The following NAALADL2 variants were observed in gnomAD, a reference collection of about 807,000 sequenced individuals.
NAALADL2 encodes the protein inactive N-acetylated-alpha-linked acidic dipeptidase-like protein 2.
A neutral mutation model predicts 87.2 loss-of-function variants in NAALADL2; 76 were observed. The ratio of observed to expected loss-of-function variants is 0.87; its 90% CI spans 0.72 to 1.05. The LOEUF (loss-of-function observed/expected upper bound fraction) is 1.05, where lower values mean the gene tolerates loss of function less well. NAALADL2 is among the 50% of genes least tolerant of loss of function. The pLI, the probability that NAALADL2 is intolerant of heterozygous loss-of-function variation, is 0.00. For synonymous variants in NAALADL2, 354 were observed against 331.0 expected (o/e 1.07, Z -0.75); for missense variants, 1,089 against 945.8 (o/e 1.15, Z -1.99).
chr3:174,831,500 T>C (rs1184886191), intron 3 of NAALADL2, among the ~76,000 whole-genome samples: 1 of 144,086 alleles, frequency 6.9e-6, no homozygotes, highest in African/African-American at 2.6e-5. Context: ...TGCTGCTGGA[T>C]TCGTTTTGCC....
chr3:175,803,752 G>A lies in NAALADL2; in HGVS notation c.*549G>A, dbSNP rs1754459222. 1 of 152,424 alleles carries A rather than the reference G, an allele frequency of 6.6e-6. No homozygotes were observed. Among genetic ancestry groups the A allele is most frequent in the Admixed American group, 6.6e-5 (1 of 15,190 alleles). 9.4% of individuals were successfully genotyped at this position (152,424 alleles called of 1,614,324 possible). A position where few individuals can be genotyped will look rare whatever the true frequency, so the allele number is the denominator to read the frequency against. On this transcript the variant is annotated 3_prime_UTR_variant, in exon 14 of 14. Transcript: ENST00000454872. ...GTTTCTCTTCTTAACACAACTAGAT[G>A]TAGTAATACACTGGTTATGAAATTG... is the stretch of plus-strand genomic sequence containing the variant.
intron 1 of NAALADL2, among the ~76,000 whole-genome samples, chr3:175,057,471 C>T (rs1300512165): frequency 6.6e-6 from 1 of 152,176 alleles, no homozygotes; most frequent in Non-Finnish European, 1.5e-5. Flanking sequence ...TAGAAAGTTA[C>T]AGTGATGTAG....
intron 9 of NAALADL2, among the ~76,000 whole-genome samples, chr3:175,539,020 C>T (rs1711804441): frequency 6.6e-6 from 1 of 152,172 alleles, no homozygotes; most frequent in South Asian, 2.1e-4. Context: ...AAATAATTGT[C>T]TTCACTCTTA....
At chr3:174,640,306 A>G (rs186140264) in intron 2 of NAALADL2, among the ~76,000 whole-genome samples, 247 of 152,286 alleles carry the variant, frequency 1.6e-3, no homozygotes, top group Non-Finnish European at 2.0e-3. Flanking sequence ...GCTGTGCCTC[A>G]AAGGAGAGGT....
At chr3:175,116,245 A>G (rs1169832937) in intron 2 of NAALADL2, among the ~76,000 whole-genome samples, 2 of 151,952 alleles carry the variant, frequency 1.3e-5, no homozygotes, top group Non-Finnish European at 2.9e-5. Context: ...CAATGAGGCA[A>G]GAGAAAGAAA....
chr3:175,620,422 C>G (rs1295997868), intron 10 of NAALADL2, among the ~76,000 whole-genome samples: 1 of 152,204 alleles, frequency 6.6e-6, no homozygotes, highest in Non-Finnish European at 1.5e-5. Context: ...AAAAGAGATG[C>G]CAGCAATCAC....
chr3:174,814,768 C>A (rs189425532), intron 3 of NAALADL2, among the ~76,000 whole-genome samples: 4 of 152,232 alleles, frequency 2.6e-5, no homozygotes, highest in Admixed American at 2.6e-4. Context: ...TACATATAAA[C>A]CACATGGCCT....
intron 5 of NAALADL2, among the ~76,000 whole-genome samples, chr3:175,331,522 C>A (rs1043370225): frequency 1.1e-4 from 16 of 152,076 alleles, no homozygotes; most frequent in African/African-American, 3.6e-4. Context: ...CATATGGTCA[C>A]CTCAATAGAT....
intron 9 of NAALADL2, among the ~76,000 whole-genome samples, chr3:175,556,487 C>G (rs969678686): frequency 6.6e-6 from 1 of 152,128 alleles, no homozygotes; most frequent in Non-Finnish European, 1.5e-5. Context: ...AAAAATAGCT[C>G]TCAAGCTAAT....
intron 2 of NAALADL2, among the ~76,000 whole-genome samples, chr3:175,160,430 G>A (rs566007175): frequency 1.3e-3 from 156 of 117,790 alleles, no homozygotes; most frequent in Middle Eastern, 8.3e-3. Context: ...GGAGTGCTCC[G>A]CAACCTCCAC....
Position 175,535,179 on chromosome 3 carries a change from C to T in NAALADL2, c.1654-40862C>T, listed in dbSNP as rs182841427. 2.4e-3 allele frequency among the ~76,000 whole-genome samples: 363 copies of T among 152,228 alleles called. 3 individuals are homozygous for T. Among genetic ancestry groups the T allele is most frequent in the African/African-American group, 8.2e-3 (340 of 41,534 alleles). On this transcript the variant is annotated intron_variant, in intron 9 of 13. Transcript: ENST00000454872. ...TGGGGAGATAACAATGTCCACTATT[C>T]CATATTTTCTCCTAATATGTTTCCT... is the stretch of plus-strand genomic sequence containing the variant.
chr3:175,665,479 G>T (rs1204257209), intron 11 of NAALADL2, among the ~76,000 whole-genome samples: 1 of 152,076 alleles, frequency 6.6e-6, no homozygotes, highest in Non-Finnish European at 1.5e-5. Flanking sequence ...ACATAGAAAG[G>T]TGAGTTGCAA....
At chr3:174,477,458 C>T (rs2108322500) in intron 1 of NAALADL2, among the ~76,000 whole-genome samples, 1 of 152,216 alleles carries the variant, frequency 6.6e-6, no homozygotes, top group Non-Finnish European at 1.5e-5. Context: ...TCACTTTAAA[C>T]AGCCACTTGC....
At chr3:175,321,737 A>G (rs1314714375) in intron 4 of NAALADL2, among the ~76,000 whole-genome samples, 57 of 125,302 alleles carry the variant, frequency 4.5e-4, no homozygotes, top group East Asian at 6.9e-4. Flanking sequence ...CCCATTCACA[A>G]TTGCTTCCAA....
intron 2 of NAALADL2, among the ~76,000 whole-genome samples, chr3:174,721,246 G>A (rs1281159770): frequency 6.6e-6 from 1 of 152,086 alleles, no homozygotes; most frequent in African/African-American, 2.4e-5. Context: ...TTCTGCTGAA[G>A]GATTTTTAAG....
intron 5 of NAALADL2, among the ~76,000 whole-genome samples, chr3:175,417,468 A>AT (rs1309257778): frequency 6.6e-6 from 1 of 152,024 alleles, no homozygotes; most frequent in Non-Finnish European, 1.5e-5. Context: ...TTTTAAAACT[A>AT]TTTTTGTTAA....
chr3:174,918,668 C>G (rs564093654), intron 1 of NAALADL2, among the ~76,000 whole-genome samples: 26 of 152,156 alleles, frequency 1.7e-4, no homozygotes, highest in African/African-American at 6.3e-4. Context: ...AAGGGGGGCC[C>G]ATAAGAGTGA....
chr3:175,470,387 G>T (rs1253609468), intron 8 of NAALADL2, among the ~76,000 whole-genome samples: 1 of 151,944 alleles, frequency 6.6e-6, no homozygotes, highest in African/African-American at 2.4e-5. Flanking sequence ...CATATTTGGG[G>T]TGATGAATAT....
chr3:174,928,109 T>C (rs1444459076), intron 1 of NAALADL2, among the ~76,000 whole-genome samples: 1 of 152,114 alleles, frequency 6.6e-6, no homozygotes, highest in Non-Finnish European at 1.5e-5. Flanking sequence ...ATTTAAAAAC[T>C]GAATGACAAA....
Sources: gnomAD v4.1 joint callset for allele counts (sites outside exome capture counted in the v4.1 genomes callset) on GRCh38, gnomAD v4.1.1 for gene constraint, MANE v1.5 for transcripts, NCBI Gene and HGNC (gene_info 2026-07-23, HGNC 2026-07-21) for gene names.